The following ADPRHL1 variants were observed in gnomAD, a reference collection of about 807,000 sequenced individuals.
ADPRHL1 encodes ADP-ribosylhydrolase like 1.
ADPRHL1 carries 43 observed loss-of-function variants against 44.1 expected under a neutral mutation model. That is an observed-to-expected ratio of 0.98 (90% CI 0.76 to 1.26). The LOEUF (loss-of-function observed/expected upper bound fraction) is 1.26. Among genes scored for constraint, ADPRHL1 ranks in the 50% most tolerant of loss-of-function variants. The probability of loss-of-function intolerance (pLI) is 0.00; values close to 1 mark genes in which losing one functional copy is unlikely to be tolerated. For missense variants in ADPRHL1, 2,022 were observed against 2,496.9 expected (o/e 0.81, Z 4.05); for synonymous variants, 878 against 1,017.4 (o/e 0.86, Z 2.61).
intron 7 of ADPRHL1, chr13:113,422,515 C>T (rs2043931772): frequency 1.3e-5 from 4 of 317,502 alleles, no homozygotes; most frequent in South Asian, 4.5e-5. Context: ...ATTAGCTCTG[C>T]GACAGAATAA....
At chr13:113,451,676 T>C (rs6577049) in intron 1 of ADPRHL1, among the ~76,000 whole-genome samples, 64,943 of 151,806 alleles carry the variant, frequency 0.43, 15,687 homozygotes, top group African/African-American at 0.67. Flanking sequence ...GGCGTGGTGG[T>C]GGGCACCTGT....
intron 7 of ADPRHL1, among the ~76,000 whole-genome samples, chr13:113,412,200 C>T (rs374763696): frequency 2.0e-5 from 3 of 152,008 alleles, no homozygotes; most frequent in Admixed American, 6.5e-5. Flanking sequence ...TTTTTTGGGA[C>T]GGAGTCTTGC....
intron 2 of ADPRHL1, among the ~76,000 whole-genome samples, chr13:113,435,189 G>C (rs75036814): frequency 0.29 from 1,809 of 6,224 alleles, 520 homozygotes; most frequent in African/African-American, 0.47. Flanking sequence ...ACCCAGCACC[G>C]AGGCGTAGAG....
chr13:113,409,580 C>A lies in ADPRHL1; in HGVS notation c.1062-1360G>T, dbSNP rs1050828531. On this transcript the variant is annotated intron_variant, in intron 7 of 7. Transcript: ENST00000612156. This position sits in a 1 kb window ranked among gnomAD's most constrained non-coding sequence, Gnocchi z 4.2. ...GTGCCAAGTGAAAAGCTCACTCTAA[C>A]CCGATTGTTTTTAAGAAGCTGAGGC... 28 of 985,256 alleles carry A rather than the reference C, an allele frequency of 2.8e-5. No homozygotes were observed. Among genetic ancestry groups the A allele is most frequent in the Non-Finnish European group, 3.3e-5 (27 of 829,936 alleles). The allele number at this position is 985,256 out of a possible 1,614,324, so 61.0% of individuals were successfully genotyped here. A position where few individuals can be genotyped will look rare whatever the true frequency, so the allele number is the denominator to read the frequency against.
In ADPRHL1 at chr13:113,400,686, G is replaced by A. The variant is rs1163131974; in HGVS notation, c.*2692C>T. The A allele has an allele frequency of 6.6e-6, 1 of 152,196 alleles. No homozygotes were observed. Among genetic ancestry groups the A allele is most frequent in the African/African-American group, 2.4e-5 (1 of 41,420 alleles). 9.4% of individuals were successfully genotyped at this position (152,196 alleles called of 1,614,324 possible). A position where few individuals can be genotyped will look rare whatever the true frequency, so the allele number is the denominator to read the frequency against. ...ACGTACGGACCGTTCTCAAATCCTG[G>A]TGAAGTCACTGGCAGTTTTTTCCTG... is the stretch of plus-strand genomic sequence containing the variant. On this transcript the variant is annotated 3_prime_UTR_variant, in exon 8 of 8. Transcript: ENST00000612156.
chr13:113,436,941 G>T (rs2044063378), intron 2 of ADPRHL1, among the ~76,000 whole-genome samples: 3 of 145,178 alleles, frequency 2.1e-5, no homozygotes, highest in Admixed American at 2.1e-4. Flanking sequence ...GTGTACCCCG[G>T]GACCCAGCAC....
At chr13:113,424,095 C>T (rs953878075) in intron 6 of ADPRHL1, 122 bp downstream of exon 6, 66 of 1,338,504 alleles carry the variant, frequency 4.9e-5, no homozygotes, top group African/African-American at 3.1e-4. Flanking sequence ...AAGAGATGGA[C>T]GCACATGCTG....
chr13:113,433,804 C>T lies in ADPRHL1; in HGVS notation c.443G>A (p.Arg148Gln), dbSNP rs761645929. 95 of 1,587,302 alleles carry T rather than the reference C, an allele frequency of 6.0e-5. No individual in the cohort carries two copies. In the Admixed American group the frequency reaches 6.3e-4, roughly 11 times the overall value. ...CIGLRYWKPE[R>Q]LETLIEVSVE... The stretch of plus-strand genomic sequence containing the variant: ...GCTGACCTCGATGAGGGTCTCCAGC[C>T]GCTCAGGCTTCCAGTACCGCAGGCC... The change falls in exon 3 of 8, where the codon CGG becomes CAG. Residue 148 changes from arginine (R) to glutamine (Q), a missense_variant. Arg to Gln is a conservative substitution (Grantham distance 43). Coordinates refer to ENST00000612156, the MANE Select transcript of ADPRHL1 (RefSeq NM_001394807.1).
intron 1 of ADPRHL1, among the ~76,000 whole-genome samples, chr13:113,446,205 G>A (rs1401459315): frequency 1.5e-5 from 2 of 129,754 alleles, no homozygotes; most frequent in African/African-American, 6.0e-5. Flanking sequence ...GGGCCCCTTG[G>A]CTGTGAACCC....
At chr13:113,410,993 A>G (rs766586591) in intron 7 of ADPRHL1, among the ~76,000 whole-genome samples, 1 of 152,172 alleles carries the variant, frequency 6.6e-6, no homozygotes, top group Non-Finnish European at 1.5e-5. Context: ...TGGGCATTTC[A>G]GTTGTCTTAA....
chr13:113,408,085 G>C lies in ADPRHL1; in HGVS notation c.1197C>G (p.Arg399=), dbSNP rs969405629. 1 of 1,231,932 alleles carries C rather than the reference G, an allele frequency of 8.1e-7. No individual in the cohort carries two copies. The highest frequency in any genetic ancestry group is 1.6e-5 in the African/African-American group (1 of 64,436). The allele number at this position is 1,231,932 out of a possible 1,614,324, so 76.3% of individuals were successfully genotyped here. Residue 399 remains arginine (R), a synonymous_variant, in exon 8 of 8, where the codon CGC becomes CGG. Transcript: ENST00000612156. ...CCTCTGTCCCCGGGGGCCGGTCTGC[G>C]CGGCCCGTGACGTAGAGCAGCAGGC... is the stretch of plus-strand genomic sequence containing the variant. ...LSSLLLYVTG[R]ADRPPGTEAG...
At position 113,453,427 on chromosome 13, in the gene ADPRHL1, A is replaced by C. The variant is rs767488573; in HGVS notation, c.11T>G (p.Phe4Cys). 6 of 1,613,832 alleles carry C rather than the reference A, an allele frequency of 3.7e-6. No homozygotes were observed. The highest frequency in any genetic ancestry group is 5.1e-6 in the Non-Finnish European group (6 of 1,179,992). Residue 4 changes from phenylalanine (F) to cysteine (C), a missense_variant, in exon 1 of 8, where the codon TTT (phenylalanine) becomes TGT (cysteine). Coordinates refer to ENST00000612156, the MANE Select transcript of ADPRHL1 (RefSeq NM_001394807.1). This position sits in a 1 kb window ranked among gnomAD's most constrained non-coding sequence, Gnocchi z 5.4. MEK[F>C]KAAMLLGSVG... ...GCTCCCCAGCAACATCGCAGCCTTA[A>C]ATTTCTCCATCCCAGGAGGCAGCTC...
At chr13:113,439,797 CTT>C (rs1328729811) in intron 2 of ADPRHL1, among the ~76,000 whole-genome samples, 1 of 152,168 alleles carries the variant, frequency 6.6e-6, no homozygotes, top group East Asian at 1.9e-4. Context: ...CCTTTCTCCT[CTT>C]GAGTGACCTT....
At chr13:113,412,262 C>G (rs1234862231) in intron 7 of ADPRHL1, among the ~76,000 whole-genome samples, 1 of 152,206 alleles carries the variant, frequency 6.6e-6, no homozygotes, top group Non-Finnish European at 1.5e-5. Context: ...ACTGCAAGCT[C>G]CGCCTCCCAG....
chr13:113,448,632 G>A (rs932614431), intron 1 of ADPRHL1, among the ~76,000 whole-genome samples: 2 of 151,754 alleles, frequency 1.3e-5, no homozygotes, highest in African/African-American at 2.4e-5. Flanking sequence ...TCAGGGCCCC[G>A]GGAGAGGCTG....
In ADPRHL1 at chr13:113,424,274, G is replaced by T; in HGVS notation, c.850C>A (p.Leu284Ile). Residue 284 changes from leucine (L) to isoleucine (I), a missense_variant, in exon 6 of 8, where the codon CTC becomes ATC. This residue lies in a region of ADPRHL1 where 437 missense variants were observed against 430.7 expected (regional missense o/e 1.01). Coordinates refer to ENST00000612156, the MANE Select transcript of ADPRHL1 (RefSeq NM_001394807.1). ...GTCCAGCTGTTTCCTGCTGCAAGGAGGGCGTCATAGGCTATCATGGGGGCA... is the reference window on the plus strand; with the variant it reads ...GTCCAGCTGTTTCCTGCTGCAAGGATGGCGTCATAGGCTATCATGGGGGCA... ...HDAPMIAYDA[L>I]LAAGNSWTEL... 6.2e-7 allele frequency: 1 copy of T among 1,613,024 alleles called. No homozygotes were observed. The highest frequency in any genetic ancestry group is 8.5e-7 in the Non-Finnish European group (1 of 1,179,946).
intron 2 of ADPRHL1, among the ~76,000 whole-genome samples, chr13:113,436,426 GGTGTA>G: frequency 2.7e-4 from 2 of 7,404 alleles, no homozygotes; most frequent in Non-Finnish European, 3.7e-4. Context: ...GGTGAACATA[GGTGTA>G]CCCCGGGACC....
At chr13:113,450,416 C>T (rs934583426) in intron 1 of ADPRHL1, among the ~76,000 whole-genome samples, 45 of 152,148 alleles carry the variant, frequency 3.0e-4, no homozygotes, top group African/African-American at 1.0e-3. Flanking sequence ...TGTGCAGTGA[C>T]GAGAGAGTGT....
Position 113,403,496 on chromosome 13 carries a change from C to G in ADPRHL1, c.5786G>C (p.Gly1929Ala). The G allele has an allele frequency of 8.1e-7, 1 of 1,232,092 alleles. No homozygotes were observed. The highest frequency in any genetic ancestry group is 1.0e-6 in the Non-Finnish European group (1 of 988,040). The allele number at this position is 1,232,092 out of a possible 1,614,324, so 76.3% of individuals were successfully genotyped here. A position where few individuals can be genotyped will look rare whatever the true frequency, so the allele number is the denominator to read the frequency against. ...GTACTTGGCCAGGTGCCTGGACCTC[C>G]CGCGACGCTCGGGCTCCGATGCCTC... ...RMEASEPERRGRSRHLAKYKA... is the reference protein window; with the variant it reads ...RMEASEPERRARSRHLAKYKA... Residue 1929 changes from glycine (G) to alanine (A), a missense_variant, in exon 8 of 8, where the codon GGG becomes GCG. Physicochemically the swap from Gly to Ala is moderately conservative, Grantham distance 60 (BLOSUM62 0). Transcript: ENST00000612156.
Sources: allele counts gnomAD v4.1 joint callset (sites outside exome capture counted in the v4.1 genomes callset), GRCh38; gene constraint gnomAD v4.1.1; regional missense constraint gnomAD v4.1.1; non-coding constraint Gnocchi (gnomAD v3.1); transcripts MANE v1.5; gene names NCBI Gene and HGNC (gene_info 2026-07-23, HGNC 2026-07-21).